The following SYN3 variants were observed in gnomAD, a reference collection of about 807,000 sequenced individuals.
SYN3 encodes synapsin-3.
In SYN3, 35 loss-of-function variants were observed where a neutral mutation model predicts 65.8. The observed-to-expected ratio is 0.53, with a 90% CI of 0.41 to 0.70. The LOEUF (loss-of-function observed/expected upper bound fraction) is 0.70. SYN3 is among the 30% of genes least tolerant of loss of function. SYN3 has a pLI of 0.00. For synonymous variants in SYN3, 270 were observed against 292.9 expected (o/e 0.92, Z 0.80); for missense variants, 680 against 749.0 (o/e 0.91, Z 1.08).
At chr22:32,571,650 T>G (rs868275533) in intron 7 of SYN3, among the ~76,000 whole-genome samples, 1 of 152,170 alleles carries the variant, frequency 6.6e-6, no homozygotes, top group African/African-American at 2.4e-5. Flanking sequence ...ACCAAAAGAC[T>G]ATGAAAGGTG....
intron 4 of SYN3, among the ~76,000 whole-genome samples, chr22:32,905,462 T>A (rs185895100): frequency 6.6e-6 from 1 of 152,288 alleles, no homozygotes; most frequent in African/African-American, 2.4e-5. Flanking sequence ...CCTACCTTGG[T>A]TGCCACCCTC....
intron 1 of SYN3, among the ~76,000 whole-genome samples, chr22:33,053,846 C>T (rs1213968387): frequency 1.3e-5 from 2 of 152,218 alleles, no homozygotes. Context: ...AGAGCCATGT[C>T]TACTTTCTCC....
chr22:33,039,363 T>C (rs775483385), intron 1 of SYN3, among the ~76,000 whole-genome samples: 1 of 150,224 alleles, frequency 6.7e-6, no homozygotes, highest in Non-Finnish European at 1.5e-5. Context: ...TTAAGCTCTT[T>C]ATTCAAATGT....
At chr22:32,769,809 G>A (rs2045722583) in intron 6 of SYN3, among the ~76,000 whole-genome samples, 1 of 152,104 alleles carries the variant, frequency 6.6e-6, no homozygotes, top group African/African-American at 2.4e-5. Flanking sequence ...GAGCAACTGC[G>A]CCTGGCCTCT....
intron 9 of SYN3, among the ~76,000 whole-genome samples, chr22:32,536,086 G>A (rs1352408734): frequency 6.6e-6 from 1 of 152,254 alleles, no homozygotes; most frequent in African/African-American, 2.4e-5. Context: ...ACTTGGCAGA[G>A]CCAGGGATAG....
chr22:32,524,342 C>G (rs1332857188), intron 12 of SYN3, among the ~76,000 whole-genome samples: 1 of 152,214 alleles, frequency 6.6e-6, no homozygotes, highest in African/African-American at 2.4e-5. Flanking sequence ...TAGGCTGACT[C>G]TCTTGTTGGG....
intron 6 of SYN3, among the ~76,000 whole-genome samples, chr22:32,827,997 C>T (rs1258083540): frequency 1.3e-5 from 2 of 152,186 alleles, no homozygotes; most frequent in Non-Finnish European, 2.9e-5. Context: ...TCCCCTTTGC[C>T]TCCTAGCACC....
chr22:32,818,878 C>T (rs994610922), intron 6 of SYN3, among the ~76,000 whole-genome samples: 2 of 152,186 alleles, frequency 1.3e-5, no homozygotes, highest in African/African-American at 4.8e-5. Context: ...GCTCTGAAGC[C>T]ACGGGCCAGG....
At chr22:32,716,668 C>G (rs2061042772) in intron 6 of SYN3, among the ~76,000 whole-genome samples, 1 of 151,632 alleles carries the variant, frequency 6.6e-6, no homozygotes. Context: ...GTGGCTGGAA[C>G]TACAGGTGCA....
chr22:32,932,330 T>C lies in SYN3; in HGVS notation c.370-849A>G, dbSNP rs547153621. 1.0e-3 allele frequency among the ~76,000 whole-genome samples: 153 copies of C among 150,806 alleles called. 1 individual carries two copies. The highest frequency in any genetic ancestry group is 3.4e-3 in the Middle Eastern group (1 of 294). ...ACAGCAGCAGCACCATGTTTGTTCA[T>C]TGACATACTGCCCTTTTGGTCACAG... On this transcript the variant is annotated intron_variant, in intron 3 of 13. Transcript: ENST00000358763.
intron 6 of SYN3, among the ~76,000 whole-genome samples, chr22:32,773,007 G>A (rs775141093): frequency 3.9e-5 from 6 of 152,112 alleles, no homozygotes; most frequent in Admixed American, 6.5e-5. Context: ...GATCTCCCTC[G>A]CAACTACTCA....
chr22:32,687,937 T>C (rs1450904276), intron 6 of SYN3, among the ~76,000 whole-genome samples: 1 of 51,278 alleles, frequency 2.0e-5, no homozygotes, highest in African/African-American at 8.4e-5. Context: ...CATCCTGTGA[T>C]TCCCCTTCAC....
chr22:32,750,432 G>A (rs12158348), intron 6 of SYN3, among the ~76,000 whole-genome samples: 3 of 152,188 alleles, frequency 2.0e-5, no homozygotes, highest in Admixed American at 6.5e-5. Flanking sequence ...ATATCTATTA[G>A]AGCTCTTATT....
At chr22:32,807,327 A>G (rs1464108736) in intron 6 of SYN3, among the ~76,000 whole-genome samples, 9 of 84,796 alleles carry the variant, frequency 1.1e-4, no homozygotes, top group African/African-American at 4.6e-4. Flanking sequence ...ATATAAATAT[A>G]TAATTTATAT....
intron 6 of SYN3, among the ~76,000 whole-genome samples, chr22:32,676,193 C>T (rs1032112128): frequency 2.0e-5 from 3 of 152,244 alleles, no homozygotes; most frequent in Non-Finnish European, 4.4e-5. Flanking sequence ...CCTGCCTTCA[C>T]AGTGTGTCCA....
At chr22:32,553,600 C>T (rs2058447861) in intron 7 of SYN3, among the ~76,000 whole-genome samples, 2 of 145,722 alleles carry the variant, frequency 1.4e-5, no homozygotes, top group African/African-American at 5.1e-5. Context: ...TAGTCAAGAC[C>T]TAGCAGACTC....
At chr22:32,616,480 C>T (rs58377860) in intron 6 of SYN3, among the ~76,000 whole-genome samples, 37,102 of 152,082 alleles carry the variant, frequency 0.24, 5,167 homozygotes, top group Non-Finnish European at 0.31. Flanking sequence ...CCACAGTAGC[C>T]GCACAGACAC....
intron 6 of SYN3, among the ~76,000 whole-genome samples, chr22:32,647,553 C>T (rs1030302155): frequency 6.6e-6 from 1 of 151,522 alleles, no homozygotes; most frequent in African/African-American, 2.4e-5. Context: ...TTCAAGTGAC[C>T]CTCCTGCCTC....
intron 6 of SYN3, among the ~76,000 whole-genome samples, chr22:32,830,462 T>C (rs1397020997): frequency 2.0e-5 from 3 of 152,184 alleles, no homozygotes; most frequent in Non-Finnish European, 4.4e-5. Context: ...GGTGCCCAAG[T>C]GCTCATGTCT....
Sources: gnomAD v4.1 joint callset for allele counts (sites outside exome capture counted in the v4.1 genomes callset) on GRCh38, gnomAD v4.1.1 for gene constraint, MANE v1.5 for transcripts, NCBI Gene and HGNC (gene_info 2026-07-23, HGNC 2026-07-21) for gene names.